The following ZC3H4 variants were observed in gnomAD, a reference collection of about 807,000 sequenced individuals.
ZC3H4 encodes zinc finger CCCH-type containing 4.
A neutral mutation model predicts 108.3 loss-of-function variants in ZC3H4; 13 were observed. That is an observed-to-expected ratio of 0.12 (90% CI 0.08 to 0.19). The LOEUF (loss-of-function observed/expected upper bound fraction) is 0.19. ZC3H4 is among the 10% of genes least tolerant of loss of function. The probability of loss-of-function intolerance (pLI) is 1.00; values close to 1 mark genes in which losing one functional copy is unlikely to be tolerated. For synonymous variants in ZC3H4, 917 were observed against 749.6 expected (o/e 1.22, Z -3.65); for missense variants, 1,734 against 1,838.8 (o/e 0.94, Z 1.04).
intron 2 of ZC3H4, chr19:47,097,022 A>G (rs2057832620): frequency 1.0e-6 from 1 of 983,282 alleles, no homozygotes. Flanking sequence ...GCTACTCTAC[A>G]TCTAACACCT....
intron 11 of ZC3H4, among the ~76,000 whole-genome samples, chr19:47,079,418 T>TA (rs1191869100): frequency 6.6e-5 from 10 of 151,746 alleles, no homozygotes; most frequent in Admixed American, 6.6e-4. Context: ...TGGAAAATTT[T>TA]AAATGAATGA....
Position 47,094,480 on chromosome 19 carries a change from T to C in ZC3H4, c.290A>G (p.Glu97Gly), listed in dbSNP as rs749481873. Residue 97 changes from glutamate to glycine, a missense_variant, in exon 3 of 15, where the codon GAG (glutamate) becomes GGG (glycine). Physicochemically the swap from Glu to Gly is moderately conservative, Grantham distance 98. Transcript: ENST00000253048. ...CCGCTTCAGTCTCCTGTGGGACTTC[T>C]CCTCATCCGAATCACTGTGATGCTT... ...GEKHHSDSDE[E>G]KSHRRLKRKR... 1.2e-6 allele frequency: 2 copies of C among 1,614,146 alleles called. No homozygotes were observed. Among genetic ancestry groups the C allele is most frequent in the Non-Finnish European group, 1.7e-6 (2 of 1,179,964 alleles).
intron 4 of ZC3H4, among the ~76,000 whole-genome samples, chr19:47,092,249 T>C (rs2057746459): frequency 1.3e-5 from 2 of 152,014 alleles, no homozygotes; most frequent in African/African-American, 4.8e-5. Flanking sequence ...TTTTAAAAAA[T>C]CCGAATTATA....
At chr19:47,085,016 A>G in intron 8 of ZC3H4, 40 bp downstream of exon 8, 1 of 1,610,852 alleles carries the variant, frequency 6.2e-7, no homozygotes. Flanking sequence ...CTAAGAAGGG[A>G]CCTTGGCCCA....
chr19:47,109,587 C>G (rs1241302818), intron 2 of ZC3H4, among the ~76,000 whole-genome samples: 1 of 152,146 alleles, frequency 6.6e-6, no homozygotes, highest in Non-Finnish European at 1.5e-5. Flanking sequence ...ACATTTCTTG[C>G]AGGATATCGT....
chr19:47,086,266 C>T (rs186316), intron 6 of ZC3H4, 118 bp downstream of exon 6: 4 of 1,195,988 alleles, frequency 3.3e-6, no homozygotes, highest in South Asian at 2.7e-5. Context: ...GGCTTCCCTT[C>T]CTTCAGAAGG....
At chr19:47,087,967 A>T (rs1416848373) in intron 5 of ZC3H4, among the ~76,000 whole-genome samples, 2 of 151,614 alleles carry the variant, frequency 1.3e-5, no homozygotes, top group East Asian at 3.9e-4. Context: ...AAGTCAGGAG[A>T]TCGAGACCAT....
chr19:47,084,587 C>A, intron 8 of ZC3H4, 132 bp from the exon 9 acceptor site: 1 of 830,186 alleles, frequency 1.2e-6, no homozygotes, highest in Non-Finnish European at 2.0e-6. Flanking sequence ...GATGGGCAGG[C>A]TGCATCTAAC....
intron 4 of ZC3H4, among the ~76,000 whole-genome samples, chr19:47,093,426 GCCAGTCAGCCGTGACGTGGA>G (rs1183276327): frequency 6.6e-6 from 1 of 152,142 alleles, no homozygotes; most frequent in African/African-American, 2.4e-5. Flanking sequence ...AACAGTGGAA[GCCAGTCAGCCGTGACGTGGA>G]CCAGTCAGCA....
chr19:47,072,633 C>G lies in ZC3H4; in HGVS notation c.1521G>C (p.Leu507=). ...GGCCCACACCAGGGGGCGGTTTGGG[C>G]AGGGGGTTGATGCCCTGCTTCTTCA... ...EELKKQGINP[L]PKPPPGVGLL... The change falls in exon 12 of 15, where the codon CTG becomes CTC. Residue 507 remains leucine, a synonymous_variant. Transcript: ENST00000253048. The surrounding 1 kb of genome is among the most constrained non-coding windows in gnomAD (Gnocchi z 5.6). 1 of 1,612,644 alleles carries G rather than the reference C, an allele frequency of 6.2e-7. No homozygotes were observed. The highest frequency in any genetic ancestry group is 2.2e-5 in the East Asian group (1 of 44,840).
intron 2 of ZC3H4, among the ~76,000 whole-genome samples, chr19:47,111,253 A>G (rs1464556510): frequency 6.6e-6 from 1 of 152,092 alleles, no homozygotes; most frequent in Non-Finnish European, 1.5e-5. Flanking sequence ...CCTGCACCCC[A>G]ACTCCTTCTG....
In ZC3H4 at chr19:47,067,956, G is replaced by C. The variant is rs2057249368; in HGVS notation, c.2399-87C>G. ...ATCCCACAGCAGCCCACCGTGAGCA[G>C]CTCCTTTGCTTGTGCCTCTCAGAAC... On this transcript the variant is annotated intron_variant, in intron 14 of 14. Coordinates refer to ENST00000253048, the MANE Select transcript of ZC3H4 (RefSeq NM_015168.2). This position sits in a 1 kb window ranked among gnomAD's most constrained non-coding sequence, Gnocchi z 6.4. The C allele has an allele frequency of 7.6e-7, 1 of 1,311,692 alleles. No individual in the cohort carries two copies. Among genetic ancestry groups the C allele is most frequent in the African/African-American group, 1.5e-5 (1 of 68,544 alleles). The allele number at this position is 1,311,692 out of a possible 1,614,324, so 81.3% of individuals were successfully genotyped here.
At chr19:47,081,789 G>A (rs370570883) in intron 10 of ZC3H4, among the ~76,000 whole-genome samples, 167 bp from the exon 11 acceptor site, 2 of 152,074 alleles carry the variant, frequency 1.3e-5, no homozygotes, top group South Asian at 2.1e-4. Context: ...GGAAATCCAC[G>A]GAGAGACCCC....
intron 2 of ZC3H4, among the ~76,000 whole-genome samples, chr19:47,109,973 G>A (rs1600119668): frequency 6.6e-6 from 1 of 152,122 alleles, no homozygotes; most frequent in Non-Finnish European, 1.5e-5. Flanking sequence ...GGCTGGAGGA[G>A]GTGTTCCCTC....
At position 47,093,215 on chromosome 19, in the gene ZC3H4, C is replaced by CAA. The variant is rs918382221; in HGVS notation, c.492+753_492+754dup. On this transcript the variant is annotated intron_variant, in intron 4 of 14. Transcript: ENST00000253048. ...TGGGCGACAGAGTGAGACTCTGCCTCAAAAAAAAAAAAAAAAAAAAAAAAA... is the reference window on the plus strand; with the variant it reads ...TGGGCGACAGAGTGAGACTCTGCCTCAAAAAAAAAAAAAAAAAAAAAAAAAAA... Among the ~76,000 whole-genome samples, 287 of 47,388 alleles carry CAA rather than the reference C, an allele frequency of 6.1e-3. 2 individuals carry two copies. Among genetic ancestry groups the CAA allele is most frequent in the South Asian group, 8.6e-3 (11 of 1,274 alleles). The allele number at this position is 47,388 out of a possible 152,430, so 31.1% of individuals were successfully genotyped here.
Position 47,066,804 on chromosome 19 carries a change from T to A in ZC3H4, c.3464A>T (p.Asn1155Ile). The change falls in exon 15 of 15, where the codon AAC becomes ATC. Residue 1155 changes from asparagine to isoleucine, a missense_variant. Asn to Ile is a moderately radical substitution (Grantham distance 149). Coordinates refer to ENST00000253048, the MANE Select transcript of ZC3H4 (RefSeq NM_015168.2). ...CGGCTCTGTGGCTTTGCCCCCCGCGTTGGGAGTCCTCGGGTCGTAGAGGCT... is the reference window on the plus strand; with the variant it reads ...CGGCTCTGTGGCTTTGCCCCCCGCGATGGGAGTCCTCGGGTCGTAGAGGCT... ...GISLYDPRTPNAGGKATEPAA... is the reference protein window; with the variant it reads ...GISLYDPRTPIAGGKATEPAA... 6.2e-7 allele frequency: 1 copy of A among 1,600,716 alleles called. No individual in the cohort carries two copies. The highest frequency in any genetic ancestry group is 2.2e-5 in the East Asian group (1 of 44,782).
At position 47,067,513 on chromosome 19, in the gene ZC3H4, C is replaced by T. The variant is rs2057236148; in HGVS notation, c.2755G>A (p.Gly919Arg). Residue 919 changes from glycine (G) to arginine (R), a missense_variant, in exon 15 of 15, where the codon GGG (glycine) becomes AGG (arginine). Gly to Arg is a moderately radical substitution (Grantham distance 125). Transcript: ENST00000253048. This position sits in a 1 kb window ranked among gnomAD's most constrained non-coding sequence, Gnocchi z 6.4. Reference sequence around the variant, plus strand: ...TCCTCCTCCTCCGTTGGGGGCGGCCCAGACCCCTTGGAACTGCTGGGGCCC... The same window carrying T: ...TCCTCCTCCTCCGTTGGGGGCGGCCTAGACCCCTTGGAACTGCTGGGGCCC... ...PVGPSSSKGS[G>R]PPPTEEEEGE... 1 of 1,593,184 alleles carries T rather than the reference C, an allele frequency of 6.3e-7. No homozygotes were observed. Among genetic ancestry groups the T allele is most frequent in the African/African-American group, 1.3e-5 (1 of 74,534 alleles).
chr19:47,096,345 G>A (rs1293932560), intron 2 of ZC3H4, among the ~76,000 whole-genome samples: 1 of 152,248 alleles, frequency 6.6e-6, no homozygotes, highest in Non-Finnish European at 1.5e-5. Context: ...TGGGGCGGGG[G>A]TGCAGGCTGC....
chr19:47,076,319 G>A (rs1384100476), intron 11 of ZC3H4, among the ~76,000 whole-genome samples: 10 of 72,974 alleles, frequency 1.4e-4, no homozygotes, highest in East Asian at 2.3e-4. Flanking sequence ...ACGCGTGCGC[G>A]CGCGCGCACA....
Sources: allele counts gnomAD v4.1 joint callset (sites outside exome capture counted in the v4.1 genomes callset), GRCh38; gene constraint gnomAD v4.1.1; non-coding constraint Gnocchi (gnomAD v3.1); transcripts MANE v1.5; gene names NCBI Gene and HGNC (gene_info 2026-07-23, HGNC 2026-07-21).